XPO4: variants seen among roughly 807,000 people sequenced by gnomAD.
XPO4 encodes exportin-4.
Under a neutral mutation model 143.0 loss-of-function variants are expected in XPO4, and 39 were observed. That is an observed-to-expected ratio of 0.27 (90% CI 0.21 to 0.36). The LOEUF is 0.36. XPO4 is among the 10% of genes least tolerant of loss of function. XPO4 has a pLI of 1.00. For synonymous variants in XPO4, 439 were observed against 474.0 expected, an observed-to-expected ratio of 0.93 and a Z score of 0.96; for missense variants, 907 against 1,348.0, an observed-to-expected ratio of 0.67 and a Z score of 5.12.
At chr13:20,817,631 T>C (rs1399130849) in intron 9 of XPO4, among the ~76,000 whole-genome samples, 2 of 152,198 alleles carry the variant, frequency 1.3e-5, no homozygotes, top group African/African-American at 4.8e-5. Context: ...CTTCACCTAC[T>C]TGGCTGAACT....
At chr13:20,847,640 C>G (rs1254536988) in intron 4 of XPO4, among the ~76,000 whole-genome samples, 4 of 152,130 alleles carry the variant, frequency 2.6e-5, no homozygotes, top group African/African-American at 2.4e-5. Context: ...CCTCTCTGGC[C>G]TTTGTCAAAG....
chr13:20,864,664 C>T (rs1566614908), intron 2 of XPO4, among the ~76,000 whole-genome samples: 1 of 152,134 alleles, frequency 6.6e-6, no homozygotes, highest in African/African-American at 2.4e-5. Context: ...CTGAAACATT[C>T]CTAACTATTT....
At chr13:20,837,650 A>T (rs1018555787) in intron 6 of XPO4, among the ~76,000 whole-genome samples, 1 of 152,190 alleles carries the variant, frequency 6.6e-6, no homozygotes, top group African/African-American at 2.4e-5. Context: ...GCAATTTACA[A>T]AAGAAAGAGA....
intron 1 of XPO4, 86 bp from the exon 2 acceptor site, chr13:20,868,787 A>C: frequency 7.8e-7 from 1 of 1,287,998 alleles, no homozygotes; most frequent in Non-Finnish European, 1.1e-6. Flanking sequence ...AGAACAGAAA[A>C]TGCCTTCACT....
intron 2 of XPO4, among the ~76,000 whole-genome samples, chr13:20,863,871 G>A (rs1292998025): frequency 1.3e-5 from 2 of 152,160 alleles, no homozygotes; most frequent in Non-Finnish European, 2.9e-5. Flanking sequence ...GATATATACA[G>A]TCAAGCACAC....
rs747047644 is a variant in XPO4, at chr13:20,797,034, T to C, written c.2346A>G (p.Arg782=). 1.2e-6 allele frequency: 2 copies of C among 1,605,684 alleles called. No homozygotes were observed. Among genetic ancestry groups the C allele is most frequent in the Non-Finnish European group, 1.7e-6 (2 of 1,175,736 alleles). ...WTEVLQPLQQ[R]FLRVINQENF... ...TTTCTTGGTTTATCACTCTTAAGAA[T>C]CGCTGCTGAAGTGGCTGAAGAACCT... is the stretch of plus-strand genomic sequence containing the variant. Residue 782 remains arginine, a synonymous_variant, in exon 17 of 23, where the codon CGA becomes CGG. Coordinates refer to ENST00000255305, the MANE Select transcript of XPO4 (RefSeq NM_022459.5).
At chr13:20,796,395 T>G in intron 17 of XPO4, 139 bp from the exon 18 acceptor site, 2 of 678,222 alleles carry the variant, frequency 2.9e-6, no homozygotes, top group Non-Finnish European at 4.3e-6. Context: ...AAAACAATAA[T>G]TTCTAGAAAG....
intron 1 of XPO4, among the ~76,000 whole-genome samples, chr13:20,899,339 A>C (rs1233237489): frequency 6.6e-6 from 1 of 151,950 alleles, no homozygotes; most frequent in African/African-American, 2.4e-5. Flanking sequence ...TGGTTGAGTA[A>C]AAAAAGTAAA....
intron 1 of XPO4, among the ~76,000 whole-genome samples, chr13:20,873,178 T>C (rs1437914940): frequency 6.6e-6 from 1 of 150,676 alleles, no homozygotes; most frequent in South Asian, 2.1e-4. Flanking sequence ...CCTAACTCAA[T>C]AGACTGGGGT....
At position 20,843,832 on chromosome 13, in the gene XPO4, T is replaced by C. The variant is rs1357126788; in HGVS notation, c.511A>G (p.Ser171Gly). The C allele has an allele frequency of 1.2e-6, 2 of 1,613,360 alleles. No individual in the cohort carries two copies. The highest frequency in any genetic ancestry group is 1.7e-5 in the Admixed American group (1 of 59,988). Residue 171 changes from serine (S) to glycine (G), a missense_variant, in exon 5 of 23, where the codon AGT becomes GGT. Transcript: ENST00000255305. ...CTCAATCCAATGTTGCTAGTTTTAC[T>C]TGAACTTGAAAATTCACTCAATAGC... ...TALLSEFSSS[S>G]KTSNIGLSME... is the part of the protein sequence containing the mutation.
chr13:20,898,381 G>A (rs865993870), intron 1 of XPO4, among the ~76,000 whole-genome samples: 7 of 152,146 alleles, frequency 4.6e-5, no homozygotes, highest in South Asian at 4.1e-4. Context: ...CCTGGCCAAC[G>A]TGTTGAAACC....
intron 7 of XPO4, among the ~76,000 whole-genome samples, chr13:20,825,900 C>A (rs1236485659): frequency 6.6e-6 from 1 of 151,992 alleles, no homozygotes; most frequent in Non-Finnish European, 1.5e-5. Flanking sequence ...GGATAGATAA[C>A]CTTGTTCTAG....
At chr13:20,846,106 C>T (rs1056954989) in intron 4 of XPO4, among the ~76,000 whole-genome samples, 8 of 152,180 alleles carry the variant, frequency 5.3e-5, no homozygotes, top group African/African-American at 1.9e-4. Context: ...CAAATTCTTA[C>T]TCTTACAAAT....
At chr13:20,831,738 T>C (rs372788160) in intron 6 of XPO4, among the ~76,000 whole-genome samples, 2 of 151,332 alleles carry the variant, frequency 1.3e-5, no homozygotes, top group East Asian at 3.9e-4. Context: ...CATACACATC[T>C]AATCTTACTT....
intron 9 of XPO4, among the ~76,000 whole-genome samples, chr13:20,818,163 T>A (rs1263250207): frequency 6.6e-6 from 1 of 152,218 alleles, no homozygotes; most frequent in Non-Finnish European, 1.5e-5. Flanking sequence ...AGATAATAAT[T>A]TGATTTCTGG....
intron 1 of XPO4, 84 bp from the exon 2 acceptor site, chr13:20,868,785 A>C: frequency 7.7e-7 from 1 of 1,304,550 alleles, no homozygotes; most frequent in Non-Finnish European, 1.1e-6. Context: ...CAAGAACAGA[A>C]AATGCCTTCA....
intron 6 of XPO4, among the ~76,000 whole-genome samples, chr13:20,837,517 T>C (rs568329034): frequency 1.3e-5 from 2 of 152,280 alleles, no homozygotes; most frequent in African/African-American, 2.4e-5. Context: ...GCACTTCTCC[T>C]GCCTCAGCCT....
chr13:20,810,014 T>A (rs139612688), intron 9 of XPO4, 47 bp from the exon 10 acceptor site: 5 of 1,503,588 alleles, frequency 3.3e-6, no homozygotes, highest in Non-Finnish European at 4.5e-6. Flanking sequence ...AGAACGACAA[T>A]TGGCATAACA....
chr13:20,824,693 C>T (rs572579179), intron 7 of XPO4, among the ~76,000 whole-genome samples: 1 of 152,134 alleles, frequency 6.6e-6, no homozygotes, highest in South Asian at 2.1e-4. Flanking sequence ...TATCATAAAA[C>T]GGAAAGCTGA....
Sources: allele counts gnomAD v4.1 joint callset (sites outside exome capture counted in the v4.1 genomes callset), GRCh38; gene constraint gnomAD v4.1.1; transcripts MANE v1.5; gene names NCBI Gene and HGNC (gene_info 2026-07-23, HGNC 2026-07-21).